Variants in RANBP2 observed in about 807,000 individuals in gnomAD.
The protein encoded by RANBP2 is E3 SUMO-protein ligase RanBP2.
A neutral mutation model predicts 303.6 loss-of-function variants in RANBP2; 57 were observed. That is an observed-to-expected ratio of 0.19 (90% confidence interval 0.15 to 0.23). RANBP2 has a LOEUF of 0.23. RANBP2 is among the 10% of genes least tolerant of loss of function. The pLI is 1.00. For missense variants in RANBP2, 3,138 were observed against 3,780.8 expected (o/e 0.83, Z 4.46); for synonymous variants, 1,167 against 1,301.5 (o/e 0.90, Z 2.23).
the RANBP2 span, among the ~76,000 whole-genome samples, chr2:109,306,048 C>CT: frequency 2.0e-5 from 3 of 152,226 alleles, no homozygotes; most frequent in Non-Finnish European, 4.4e-5. Flanking sequence ...CTGCTGGGCT[C>CT]TTACTGGCAG....
At chr2:109,408,529 C>T in the RANBP2 span, among the ~76,000 whole-genome samples, 2 of 152,348 alleles carry the variant, frequency 1.3e-5, no homozygotes, top group African/African-American at 4.8e-5. Flanking sequence ...CGCTCACGCC[C>T]AGGCCGGGTT....
the RANBP2 span, among the ~76,000 whole-genome samples, chr2:109,172,931 GT>G: frequency 2.6e-5 from 4 of 152,346 alleles, no homozygotes; most frequent in African/African-American, 9.6e-5. Flanking sequence ...GGGTATAACT[GT>G]TGTGTGACTG....
the RANBP2 span, chr2:108,897,109 C>T: frequency 6.2e-7 from 1 of 1,614,130 alleles, no homozygotes; most frequent in Non-Finnish European, 8.5e-7. Flanking sequence ...CCTCTTCAGG[C>T]CGAAGCTCTC....
chr2:109,721,268 G>A, the RANBP2 span, among the ~76,000 whole-genome samples: 3 of 152,270 alleles, frequency 2.0e-5, no homozygotes, highest in South Asian at 6.2e-4. Context: ...CTCTCCCAAG[G>A]AAGCAAAGCC....
At chr2:109,112,135 T>TA in the RANBP2 span, among the ~76,000 whole-genome samples, 1 of 151,504 alleles carries the variant, frequency 6.6e-6, no homozygotes, top group Non-Finnish European at 1.5e-5. Context: ...TATAGTCCTT[T>TA]GGGTATATAC....
chr2:108,828,704 C>T, the RANBP2 span, among the ~76,000 whole-genome samples: 25 of 152,092 alleles, frequency 1.6e-4, no homozygotes, highest in African/African-American at 5.6e-4. Flanking sequence ...CTCGGCTGGG[C>T]GTGGTGGTTC....
At chr2:108,856,541 A>G in the RANBP2 span, among the ~76,000 whole-genome samples, 1 of 152,252 alleles carries the variant, frequency 6.6e-6, no homozygotes, top group Admixed American at 6.5e-5. Flanking sequence ...GTATTAAAAA[A>G]TGTGGCTTGT....
chr2:108,885,308 A>G, the RANBP2 span: 1 of 152,194 alleles, frequency 6.6e-6, no homozygotes, highest in Non-Finnish European at 1.5e-5. Context: ...TTTCCCTGTC[A>G]ATAAGGCATT....
At chr2:108,934,339 C>T in the RANBP2 span, among the ~76,000 whole-genome samples, 2 of 152,128 alleles carry the variant, frequency 1.3e-5, no homozygotes, top group Non-Finnish European at 2.9e-5. Context: ...GGGGGGCTGA[C>T]GGCTCCCAGT....
At chr2:109,504,265 G>C in the RANBP2 span, 1 of 152,188 alleles carries the variant, frequency 6.6e-6, no homozygotes, top group Non-Finnish European at 1.5e-5. Flanking sequence ...AGTGGCCTTG[G>C]GGGGCCACAG....
At chr2:108,964,107 G>C in the RANBP2 span, among the ~76,000 whole-genome samples, 1 of 152,178 alleles carries the variant, frequency 6.6e-6, no homozygotes, top group African/African-American at 2.4e-5. Flanking sequence ...AATTTAAACA[G>C]ACACGTATGG....
At chr2:109,291,343 C>CAG in the RANBP2 span, among the ~76,000 whole-genome samples, 1 of 149,854 alleles carries the variant, frequency 6.7e-6, no homozygotes, top group Non-Finnish European at 1.5e-5. Flanking sequence ...GTTCTACATG[C>CAG]AGCTGCCTCT....
the RANBP2 span, among the ~76,000 whole-genome samples, chr2:108,893,626 G>C: frequency 1.3e-5 from 2 of 152,040 alleles, no homozygotes; most frequent in Admixed American, 1.3e-4. Flanking sequence ...TAGAGTCATG[G>C]AAGGCCAGGA....
chr2:109,141,083 A>G, the RANBP2 span, among the ~76,000 whole-genome samples: 1 of 152,136 alleles, frequency 6.6e-6, no homozygotes, highest in Non-Finnish European at 1.5e-5. Flanking sequence ...CTATGCTGGG[A>G]CCCATCCTTG....
chr2:109,636,655 T>G, the RANBP2 span, among the ~76,000 whole-genome samples: 2 of 152,116 alleles, frequency 1.3e-5, no homozygotes, highest in Non-Finnish European at 2.9e-5. Context: ...AAAACAGTGT[T>G]GGCTGGGTGC....
the RANBP2 span, among the ~76,000 whole-genome samples, chr2:109,306,284 A>C: frequency 3.3e-5 from 5 of 152,232 alleles, no homozygotes; most frequent in Non-Finnish European, 7.3e-5. Context: ...GAGGGGTGCC[A>C]CGTGTGTGTT....
chr2:109,411,463 G>A, the RANBP2 span, among the ~76,000 whole-genome samples: 1 of 152,168 alleles, frequency 6.6e-6, no homozygotes, highest in Non-Finnish European at 1.5e-5. Flanking sequence ...GCCTGTCAGT[G>A]GGAGGACCCC....
chr2:109,615,668 G>C, the RANBP2 span: 3 of 1,614,168 alleles, frequency 1.9e-6, no homozygotes, highest in Non-Finnish European at 2.5e-6. Context: ...TCAAGAACCT[G>C]GTGGGAGCCC....
At chr2:109,691,835 C>T in the RANBP2 span, among the ~76,000 whole-genome samples, 9 of 151,752 alleles carry the variant, frequency 5.9e-5, no homozygotes, top group East Asian at 1.9e-4. Context: ...CAGGCTAGAG[C>T]GCAGTGGCAC....
Sources: allele counts gnomAD v4.1 joint callset (sites outside exome capture counted in the v4.1 genomes callset), GRCh38; gene constraint gnomAD v4.1.1; transcripts MANE v1.5; gene names NCBI Gene and HGNC (gene_info 2026-07-23, HGNC 2026-07-21).